PDE10A: variants seen among roughly 807,000 people sequenced by gnomAD.
PDE10A encodes cAMP and cAMP-inhibited cGMP 3',5'-cyclic phosphodiesterase 10A.
A neutral mutation model predicts 97.7 loss-of-function variants in PDE10A; 39 were observed. The ratio of observed to expected loss-of-function variants is 0.40; its 90% CI spans 0.31 to 0.52. PDE10A has a LOEUF of 0.52. PDE10A is among the 20% of genes least tolerant of loss of function. PDE10A has a pLI of 0.56. For synonymous variants in PDE10A, 371 were observed against 376.8 expected (o/e 0.98, Z 0.18); for missense variants, 731 against 1,047.8 (o/e 0.70, Z 4.17).
At chr6:165,626,762 C>G (rs9365897) in intron 1 of PDE10A, among the ~76,000 whole-genome samples, 23 of 149,458 alleles carry the variant, frequency 1.5e-4, no homozygotes, top group Admixed American at 2.7e-4. Context: ...GGTGGGGCGG[C>G]GGGGGGAAGT....
chr6:165,806,653 C>CG (rs1404461140), intron 1 of PDE10A, among the ~76,000 whole-genome samples: 22 of 151,794 alleles, frequency 1.4e-4, no homozygotes, highest in Non-Finnish European at 2.9e-4. Context: ...CTGAGCGCCC[C>CG]CCCCCAGGCT....
chr6:165,791,090 G>T (rs771226806), intron 1 of PDE10A, among the ~76,000 whole-genome samples: 2 of 151,980 alleles, frequency 1.3e-5, no homozygotes, highest in African/African-American at 4.8e-5. Flanking sequence ...AACTACAGGT[G>T]CATACCACCA....
chr6:165,806,505 C>G (rs1301033679), intron 1 of PDE10A, among the ~76,000 whole-genome samples: 1 of 152,226 alleles, frequency 6.6e-6, no homozygotes, highest in Non-Finnish European at 1.5e-5. Flanking sequence ...CCTGTCTCCA[C>G]AGTTTCTGAG....
At chr6:165,692,633 C>T (rs566318739) in intron 1 of PDE10A, among the ~76,000 whole-genome samples, 4 of 152,328 alleles carry the variant, frequency 2.6e-5, no homozygotes, top group East Asian at 3.9e-4. Flanking sequence ...AAGAGTTTCT[C>T]CTCAAACCCT....
chr6:165,811,345 C>T (rs1189821318), intron 1 of PDE10A, among the ~76,000 whole-genome samples: 1 of 152,250 alleles, frequency 6.6e-6, no homozygotes, highest in East Asian at 1.9e-4. Flanking sequence ...CTCCCTTCCA[C>T]CTTTCTTCAT....
chr6:165,631,801 A>G (rs916682288), intron 1 of PDE10A, among the ~76,000 whole-genome samples: 1 of 152,244 alleles, frequency 6.6e-6, no homozygotes, highest in Non-Finnish European at 1.5e-5. Context: ...CGTAAGTTTA[A>G]CAGAAATACT....
chr6:165,617,908 C>T (rs1023171123), intron 1 of PDE10A, among the ~76,000 whole-genome samples: 4 of 152,036 alleles, frequency 2.6e-5, no homozygotes, highest in African/African-American at 9.7e-5. Context: ...TTCTTTTCCC[C>T]CAAGCAGATT....
intron 1 of PDE10A, among the ~76,000 whole-genome samples, chr6:165,749,296 CCAT>C (rs1198901216): frequency 4.7e-5 from 3 of 64,104 alleles, no homozygotes; most frequent in African/African-American, 1.2e-4. Flanking sequence ...ATCACCATCA[CCAT>C]CATCACCATC....
intron 3 of PDE10A, among the ~76,000 whole-genome samples, chr6:165,477,137 C>A (rs997902794): frequency 5.3e-5 from 8 of 152,194 alleles, no homozygotes; most frequent in African/African-American, 1.9e-4. Context: ...CCTTCCTTCA[C>A]TCACTCAGAT....
chr6:165,837,685 T>TGG (rs372862316), intron 1 of PDE10A, among the ~76,000 whole-genome samples: 91 of 86,566 alleles, frequency 1.1e-3, no homozygotes, highest in African/African-American at 3.6e-3. Flanking sequence ...TTTTTTTTTT[T>TGG]GGGGCAGGAG....
intron 1 of PDE10A, among the ~76,000 whole-genome samples, chr6:165,937,038 A>G (rs1783353733): frequency 6.6e-6 from 1 of 152,234 alleles, no homozygotes; most frequent in South Asian, 2.1e-4. Flanking sequence ...GCTGAGACGA[A>G]GTTCTTCCTC....
intron 1 of PDE10A, among the ~76,000 whole-genome samples, chr6:165,789,720 C>A (rs1157450617): frequency 6.6e-6 from 1 of 152,230 alleles, no homozygotes. Flanking sequence ...TTTGCCTTTG[C>A]TTTCAGTCAT....
chr6:165,409,253 G>A (rs1787510750), intron 13 of PDE10A, among the ~76,000 whole-genome samples: 2 of 151,366 alleles, frequency 1.3e-5, no homozygotes, highest in South Asian at 4.2e-4. Flanking sequence ...TACCTTAAAG[G>A]TAATCAGCTT....
intron 3 of PDE10A, among the ~76,000 whole-genome samples, chr6:165,455,402 C>T (rs1197463638): frequency 2.0e-5 from 3 of 152,166 alleles, no homozygotes; most frequent in Admixed American, 2.0e-4. Context: ...GAACTCCGCA[C>T]TGAAGGATCC....
At chr6:165,610,319 G>A (rs573377064) in intron 1 of PDE10A, among the ~76,000 whole-genome samples, 21 of 152,216 alleles carry the variant, frequency 1.4e-4, no homozygotes, top group African/African-American at 3.6e-4. Flanking sequence ...CAAGGTGGGC[G>A]GATCACGAGG....
chr6:165,334,803 G>A (rs1008820246), intron 21 of PDE10A, among the ~76,000 whole-genome samples: 3 of 152,072 alleles, frequency 2.0e-5, no homozygotes, highest in African/African-American at 7.2e-5. Context: ...CACAGGAGCA[G>A]GAAGGAAGGA....
chr6:165,676,147 T>A (rs1443036741), intron 1 of PDE10A, among the ~76,000 whole-genome samples: 1 of 152,172 alleles, frequency 6.6e-6, no homozygotes, highest in Non-Finnish European at 1.5e-5. Context: ...AAGCACTGCA[T>A]ATTCTCACTC....
intron 17 of PDE10A, 78 bp from the exon 18 acceptor site, chr6:165,379,444 C>CTATA: frequency 1.7e-6 from 2 of 1,155,092 alleles, no homozygotes; most frequent in Non-Finnish European, 2.4e-6. Context: ...TTATTTGAAA[C>CTATA]TATATAGTCA....
chr6:165,861,224 G>A (rs1287445310), intron 1 of PDE10A, among the ~76,000 whole-genome samples: 1 of 152,174 alleles, frequency 6.6e-6, no homozygotes, highest in East Asian at 1.9e-4. Flanking sequence ...TGCACAGATG[G>A]ATGAATGTAT....
Sources: allele counts gnomAD v4.1 joint callset (sites outside exome capture counted in the v4.1 genomes callset), GRCh38; gene constraint gnomAD v4.1.1; transcripts MANE v1.5; gene names NCBI Gene and HGNC (gene_info 2026-07-23, HGNC 2026-07-21).